PRTG: variants seen among roughly 807,000 people sequenced by gnomAD.
PRTG encodes the protein immunoglobulin superfamily, DCC subclass, member 5.
Under a neutral mutation model 122.5 loss-of-function variants are expected in PRTG, and 67 were observed. The observed-to-expected ratio is 0.55, with a 90% CI of 0.45 to 0.67. The LOEUF is 0.67. Among genes scored for constraint, PRTG ranks in the 30% least tolerant of loss-of-function variants. The pLI, the probability that PRTG is intolerant of heterozygous loss-of-function variation, is 0.00. For synonymous variants in PRTG, 554 were observed against 501.1 expected (o/e 1.11, Z -1.41); for missense variants, 1,435 against 1,415.4 (o/e 1.01, Z -0.22).
At chr15:55,706,249 C>T (rs2141847073) in intron 2 of PRTG, among the ~76,000 whole-genome samples, 1 of 151,934 alleles carries the variant, frequency 6.6e-6, no homozygotes, top group East Asian at 1.9e-4. Flanking sequence ...CAGGATGCTA[C>T]AACAACTACT....
rs532965185 is a variant in PRTG, at chr15:55,662,121, G to A, written c.2041+10324C>T. 2.6e-5 allele frequency among the ~76,000 whole-genome samples: 4 copies of A among 152,226 alleles called. No individual in the cohort carries two copies. The East Asian group carries it at 7.7e-4, about 29-fold the overall frequency. ...AAAGTTGAACTTTCTTAAAGATGGT[G>A]AAAAAAATGTTTAAGAAGTATAGGC... On this transcript the variant is annotated intron_variant, in intron 11 of 19. Coordinates refer to ENST00000389286, the MANE Select transcript of PRTG (RefSeq NM_173814.6).
At chr15:55,640,085 G>A in intron 12 of PRTG, 1 of 435,696 alleles carries the variant, frequency 2.3e-6, no homozygotes, top group Non-Finnish European at 3.0e-6. Flanking sequence ...TTTCATCAGG[G>A]GATTTCATCA....
chr15:55,738,200 A>C, intron 2 of PRTG: 1 of 279,694 alleles, frequency 3.6e-6, no homozygotes, highest in Non-Finnish European at 6.5e-6. Context: ...AAACTTCACC[A>C]CAACTGTCTG....
intron 15 of PRTG, among the ~76,000 whole-genome samples, chr15:55,634,212 C>T (rs779595922): frequency 7.9e-5 from 12 of 151,590 alleles, no homozygotes; most frequent in Admixed American, 2.0e-4. Context: ...GGATTACAGG[C>T]GCCTGCCACC....
intron 2 of PRTG, among the ~76,000 whole-genome samples, chr15:55,737,644 A>T (rs2031452010): frequency 6.6e-6 from 1 of 152,210 alleles, no homozygotes. Flanking sequence ...CATCCTGGCC[A>T]GTTTCTAACC....
chr15:55,666,617 G>C (rs1210122109), intron 11 of PRTG, among the ~76,000 whole-genome samples: 1 of 152,124 alleles, frequency 6.6e-6, no homozygotes, highest in Non-Finnish European at 1.5e-5. Context: ...TAAAGCTCAA[G>C]ACGCATTAGC....
chr15:55,700,313 A>G (rs1280652931), intron 2 of PRTG, among the ~76,000 whole-genome samples: 1 of 152,202 alleles, frequency 6.6e-6, no homozygotes, highest in Non-Finnish European at 1.5e-5. Flanking sequence ...TTACGCAAAA[A>G]AATTAATTAA....
chr15:55,668,128 T>C (rs1430884344), intron 11 of PRTG, among the ~76,000 whole-genome samples: 1 of 152,182 alleles, frequency 6.6e-6, no homozygotes, highest in African/African-American at 2.4e-5. Flanking sequence ...ATTTTAATTA[T>C]TCATTTATAA....
At chr15:55,724,796 T>C (rs1595678881) in intron 2 of PRTG, among the ~76,000 whole-genome samples, 2 of 151,964 alleles carry the variant, frequency 1.3e-5, no homozygotes, top group Non-Finnish European at 2.9e-5. Flanking sequence ...AAACCAAGTA[T>C]AAAGCAAGAA....
chr15:55,640,793 T>C (rs929287211), intron 12 of PRTG, among the ~76,000 whole-genome samples: 1 of 151,628 alleles, frequency 6.6e-6, no homozygotes, highest in Non-Finnish European at 1.5e-5. Flanking sequence ...GTAGATCACT[T>C]GAGGTCAGGA....
chr15:55,641,151 T>C lies in PRTG; in HGVS notation c.2099A>G (p.Tyr700Cys). The C allele has an allele frequency of 2.5e-6, 4 of 1,614,090 alleles. No homozygotes were observed. The East Asian group carries it at 6.7e-5, about 27-fold the overall frequency. ...AGTGCTGACAGTCTGATCTGCCTGA[T>C]AGCCATCGTCTATGTTGTTGTAAGC... is the stretch of plus-strand genomic sequence containing the variant. The part of the protein sequence containing the change: ...LLAYNNIDDG[Y>C]QADQTVSTPG... The change falls in exon 12 of 20, where the codon TAT (tyrosine) becomes TGT (cysteine). Residue 700 changes from tyrosine (Y) to cysteine (C), a missense_variant. By Grantham distance (194) the Tyr-to-Cys change is radical. Transcript: ENST00000389286.
chr15:55,735,565 T>A (rs2031382863), intron 2 of PRTG, among the ~76,000 whole-genome samples: 1 of 151,920 alleles, frequency 6.6e-6, no homozygotes, highest in Non-Finnish European at 1.5e-5. Flanking sequence ...TTCTTTAGAA[T>A]AATCAGAGAT....
At chr15:55,680,244 AT>A (rs1385492893) in intron 5 of PRTG, 32 bp from the exon 6 acceptor site, 1 of 1,524,334 alleles carries the variant, frequency 6.6e-7, no homozygotes, top group East Asian at 2.3e-5. Context: ...AGTTTAAACA[AT>A]GTAACAAATA....
At chr15:55,703,311 G>A (rs967179787) in intron 2 of PRTG, among the ~76,000 whole-genome samples, 6 of 152,130 alleles carry the variant, frequency 3.9e-5, no homozygotes, top group African/African-American at 1.4e-4. Flanking sequence ...TTACAATATT[G>A]AATTCACAAT....
intron 2 of PRTG, among the ~76,000 whole-genome samples, chr15:55,723,963 G>A (rs544301027): frequency 1.2e-4 from 18 of 152,194 alleles, no homozygotes; most frequent in African/African-American, 3.9e-4. Context: ...ATGTTGACCA[G>A]GCTGGTCTCG....
intron 2 of PRTG, among the ~76,000 whole-genome samples, chr15:55,690,214 T>C (rs2059593132): frequency 6.6e-6 from 1 of 152,182 alleles, no homozygotes; most frequent in Non-Finnish European, 1.5e-5. Context: ...GACCAGATTT[T>C]CTCCCCAATT....
chr15:55,712,847 C>T (rs1411225471), intron 2 of PRTG, among the ~76,000 whole-genome samples: 1 of 152,030 alleles, frequency 6.6e-6, no homozygotes, highest in African/African-American at 2.4e-5. Context: ...TTACAATGTA[C>T]CAGATATTTA....
rs978907033 is a variant in PRTG at position 55,644,379 on chromosome 15, C to A, written c.2042-3171G>T. Among the ~76,000 whole-genome samples, 5 of 152,124 alleles carry A rather than the reference C, an allele frequency of 3.3e-5. 1 individual carries two copies. The Middle Eastern group carries it at 0.017, about 517-fold the overall frequency. ...GGTGGAGAGATAATCTTTTTTCTAC[C>A]ATGCAAACAACTTCAATCAATACTG... On this transcript the variant is annotated intron_variant, in intron 11 of 19. Transcript: ENST00000389286.
intron 2 of PRTG, among the ~76,000 whole-genome samples, chr15:55,718,362 C>T (rs1200785327): frequency 2.6e-5 from 4 of 152,090 alleles, no homozygotes; most frequent in Non-Finnish European, 5.9e-5. Flanking sequence ...TGAAACTCAT[C>T]CCAAATCTTC....
Sources: allele counts gnomAD v4.1 joint callset (sites outside exome capture counted in the v4.1 genomes callset), GRCh38; gene constraint gnomAD v4.1.1; transcripts MANE v1.5; gene names NCBI Gene and HGNC (gene_info 2026-07-23, HGNC 2026-07-21).